EPB41L4A: variants seen among roughly 807,000 people sequenced by gnomAD.
EPB41L4A encodes the protein band 4.1-like protein 4A.
A neutral mutation model predicts 108.6 loss-of-function variants in EPB41L4A; 100 were observed. That is an observed-to-expected ratio of 0.92 (90% CI 0.78 to 1.09). The LOEUF (loss-of-function observed/expected upper bound fraction) is 1.09, where lower values mean the gene tolerates loss of function less well. Among genes scored for constraint, EPB41L4A ranks in the 50% least tolerant of loss-of-function variants. EPB41L4A has a pLI of 0.00. For synonymous variants in EPB41L4A, 319 were observed against 289.0 expected (o/e 1.10, Z -1.05); for missense variants, 1,030 against 842.7 (o/e 1.22, Z -2.75).
intron 1 of EPB41L4A, among the ~76,000 whole-genome samples, chr5:112,310,976 A>C (rs1755011278): frequency 6.6e-6 from 1 of 152,212 alleles, no homozygotes; most frequent in Non-Finnish European, 1.5e-5. Flanking sequence ...TGTGACAAGC[A>C]GTAGAAATGA....
At chr5:112,224,618 T>C (rs1399483226) in intron 12 of EPB41L4A, among the ~76,000 whole-genome samples, 2 of 152,222 alleles carry the variant, frequency 1.3e-5, no homozygotes, top group African/African-American at 4.8e-5. Context: ...AATTCAGGGC[T>C]ACTCAAATCA....
intron 1 of EPB41L4A, among the ~76,000 whole-genome samples, chr5:112,339,542 A>ATAT (rs371198329): frequency 9.0e-6 from 1 of 110,682 alleles, no homozygotes; most frequent in African/African-American, 2.9e-5. Flanking sequence ...ATATATATAT[A>ATAT]TTTTTTTTTT....
At chr5:112,220,520 G>C (rs549115017) in intron 12 of EPB41L4A, among the ~76,000 whole-genome samples, 1 of 152,268 alleles carries the variant, frequency 6.6e-6, no homozygotes, top group East Asian at 1.9e-4. Context: ...AGAAGAACCA[G>C]TATGTATACT....
At position 112,275,354 on chromosome 5, in the gene EPB41L4A, G is replaced by T. The variant is rs769781822; in HGVS notation, c.307C>A (p.Pro103Thr). 1.9e-6 allele frequency: 3 copies of T among 1,555,772 alleles called. No individual in the cohort carries two copies. Among genetic ancestry groups the T allele is most frequent in the Admixed American group, 3.7e-5 (2 of 54,492 alleles). ...YFGIKFYAED[P>T]CKLKEEITRY... ...GTTATTTCTTCTTTAAGTTTACATG[G>T]ATCTTCAGCATAGAATTTAATACCA... The change falls in exon 4 of 23, where the codon CCA becomes ACA. Residue 103 changes from proline to threonine, a missense_variant. Physicochemically the swap from Pro to Thr is conservative, Grantham distance 38. Transcript: ENST00000261486.
intron 1 of EPB41L4A, among the ~76,000 whole-genome samples, chr5:112,409,137 ATAT>A (rs1762267723): frequency 1.3e-5 from 2 of 150,866 alleles, no homozygotes; most frequent in South Asian, 4.3e-4. Flanking sequence ...ATACAATGGA[ATAT>A]TATTCAGCAA....
In EPB41L4A at chr5:112,157,161, C is replaced by A. The variant is rs1028275011; in HGVS notation, n.994+1240G>T. Among the ~76,000 whole-genome samples the A allele has an allele frequency of 3.4e-4, 50 of 145,048 alleles. 1 individual carries two copies. Among genetic ancestry groups the A allele is most frequent in the African/African-American group, 1.1e-3 (45 of 39,700 alleles). ...TCCATGCAAAAAGAAAAAAAAAAAA[C>A]AACCTGATCTATGATGATGGTGGCA... On this transcript the variant is annotated intron_variant and non_coding_transcript_variant, in intron 12 of 13. Coordinates refer to the EPB41L4A transcript ENST00000507810.
At chr5:112,149,312 A>G (rs1759377702) in intron 12 of EPB41L4A, among the ~76,000 whole-genome samples, 1 of 152,190 alleles carries the variant, frequency 6.6e-6, no homozygotes, top group African/African-American at 2.4e-5. Context: ...TCTACTAAAA[A>G]TACAAAAATA....
intron 1 of EPB41L4A, among the ~76,000 whole-genome samples, chr5:112,320,601 T>A (rs1755711187): frequency 6.6e-6 from 1 of 152,174 alleles, no homozygotes; most frequent in African/African-American, 2.4e-5. Flanking sequence ...TTATCCCACA[T>A]GAGAGATAAA....
intron 4 of EPB41L4A, among the ~76,000 whole-genome samples, chr5:112,272,139 T>TTA (rs1368610348): frequency 6.6e-3 from 1 of 152 alleles, no homozygotes; most frequent in Non-Finnish European, 0.024. Flanking sequence ...ATTATTTGTA[T>TTA]TTTTTTTTTT....
At chr5:112,161,446 C>G (rs1373095083), downstream of EPB41L4A, 1 of 500,638 alleles carries the variant, frequency 2.0e-6, no homozygotes, top group Non-Finnish European at 4.0e-6. Context: ...GTCAGCCAGT[C>G]AGCAACCTTA....
intron 17 of EPB41L4A, among the ~76,000 whole-genome samples, chr5:112,190,315 G>A (rs1761632381): frequency 6.6e-6 from 1 of 151,986 alleles, no homozygotes; most frequent in African/African-American, 2.4e-5. Flanking sequence ...TTTAAGGGGG[G>A]GGTGTTACAT....
In EPB41L4A at chr5:112,379,127, C is replaced by T. The variant is rs542328132; in HGVS notation, c.99+39814G>A. On this transcript the variant is annotated intron_variant, in intron 1 of 22. Transcript: ENST00000261486. The stretch of plus-strand genomic sequence containing the variant: ...ATACTCATTCCAAGAGGCGAGCACC[C>T]TGGGGGGGTCAAGCTAGCCCACTGG... 3.9e-5 allele frequency among the ~76,000 whole-genome samples: 6 copies of T among 152,276 alleles called. No homozygotes were observed. In the East Asian group the frequency reaches 9.7e-4, roughly 24 times the overall value.
chr5:112,213,440 C>G (rs1248771715), intron 12 of EPB41L4A, among the ~76,000 whole-genome samples: 1 of 151,702 alleles, frequency 6.6e-6, no homozygotes, highest in Non-Finnish European at 1.5e-5. Context: ...CCTCTGCCTC[C>G]TGGGTTCAAG....
chr5:112,169,013 G>C lies in EPB41L4A; in HGVS notation c.1832C>G (p.Ser611Ter), dbSNP rs1352393001. Reference sequence around the variant, plus strand: ...CACTTACTTCACTTCCGAGAGAACTGATCGCTCCCCATCTGAACACTGGGA... The same window carrying C: ...CACTTACTTCACTTCCGAGAGAACTCATCGCTCCCCATCTGAACACTGGGA... ...RRSQCSDGERSVLSEVNSKTD... is the reference protein window; with the variant it reads ...RRSQCSDGER Residue 611 changes from serine (S) to a stop codon, truncating the protein, a stop_gained, in exon 21 of 23, where the codon TCA becomes TGA. Coordinates refer to ENST00000261486, the MANE Select transcript of EPB41L4A (RefSeq NM_022140.5). LOFTEE classifies it high-confidence loss of function. 3 of 1,613,390 alleles carry C rather than the reference G, an allele frequency of 1.9e-6. No homozygotes were observed. Among genetic ancestry groups the C allele is most frequent in the East Asian group, 2.2e-5 (1 of 44,884 alleles).
chr5:112,159,998 C>A (rs1314519154), downstream of EPB41L4A, among the ~76,000 whole-genome samples: 1 of 150,992 alleles, frequency 6.6e-6, no homozygotes, highest in African/African-American at 2.4e-5. Context: ...ACCCCCACCC[C>A]GCCCGGGTTC....
At chr5:112,233,149 C>T (rs1749076749) in intron 12 of EPB41L4A, among the ~76,000 whole-genome samples, 1 of 152,068 alleles carries the variant, frequency 6.6e-6, no homozygotes, top group Non-Finnish European at 1.5e-5. Flanking sequence ...TTAGTACACA[C>T]TGTATATAAT....
At chr5:112,259,187 G>A in intron 9 of EPB41L4A, 42 bp downstream of exon 9, 1 of 1,436,922 alleles carries the variant, frequency 7.0e-7, no homozygotes, top group South Asian at 1.2e-5. Flanking sequence ...GAACACACAA[G>A]ACACCCCTCT....
At chr5:112,302,328 T>G (rs568613636) in intron 2 of EPB41L4A, among the ~76,000 whole-genome samples, 4 of 152,204 alleles carry the variant, frequency 2.6e-5, no homozygotes, top group African/African-American at 7.2e-5. Flanking sequence ...CAACATAGTG[T>G]GACCTCATCT....
intron 11 of EPB41L4A, 169 bp downstream of exon 11, chr5:112,239,490 GA>G (rs1172358691): frequency 2.3e-6 from 1 of 428,176 alleles, no homozygotes; most frequent in East Asian, 3.7e-5. Flanking sequence ...ATTAAATCTG[GA>G]AAATCATGTT....
Sources: allele counts gnomAD v4.1 joint callset (sites outside exome capture counted in the v4.1 genomes callset), GRCh38; gene constraint gnomAD v4.1.1; transcripts MANE v1.5; gene names NCBI Gene and HGNC (gene_info 2026-07-23, HGNC 2026-07-21).